The following NEMP2 variants were observed in gnomAD, a reference collection of about 807,000 sequenced individuals.
The protein encoded by NEMP2 is UPF0571 transmembrane protein.
A neutral mutation model predicts 54.2 loss-of-function variants in NEMP2; 53 were observed. The observed-to-expected ratio is 0.98, with a 90% CI of 0.78 to 1.23. The LOEUF (loss-of-function observed/expected upper bound fraction) is 1.23. Among genes scored for constraint, NEMP2 ranks in the 50% most tolerant of loss-of-function variants. The pLI, the probability that NEMP2 is intolerant of heterozygous loss-of-function variation, is 0.00. For synonymous variants in NEMP2, 197 were observed against 190.3 expected (o/e 1.04, Z -0.29); for missense variants, 455 against 511.3 (o/e 0.89, Z 1.06).
chr2:190,577,806 G>A, the NEMP2 span, among the ~76,000 whole-genome samples: 5 of 152,212 alleles, frequency 3.3e-5, no homozygotes, highest in Non-Finnish European at 7.3e-5. The surrounding 1 kb of genome is among the most constrained non-coding windows in gnomAD (Gnocchi z 4.8). Context: ...CTGGGAAGTG[G>A]AGGTTGCAGT....
chr2:190,450,488 C>T, the NEMP2 span, among the ~76,000 whole-genome samples: 14 of 97,260 alleles, frequency 1.4e-4, no homozygotes, highest in Admixed American at 4.3e-4. Context: ...TCTCTTTTTC[C>T]TTTTTTTTTT....
the NEMP2 span, among the ~76,000 whole-genome samples, chr2:190,498,401 G>C: frequency 6.6e-6 from 1 of 152,136 alleles, no homozygotes; most frequent in Non-Finnish European, 1.5e-5. The surrounding 1 kb of genome is among the most constrained non-coding windows in gnomAD (Gnocchi z 5.9). Context: ...CGTCAGCTTT[G>C]TCTGGAGTAG....
chr2:190,501,309 C>T (rs1054377370), downstream of NEMP2: 3 of 152,106 alleles, frequency 2.0e-5, no homozygotes, highest in African/African-American at 7.2e-5. Flanking sequence ...CTATACTTTC[C>T]AATGACTAAA....
chr2:190,520,188 T>A lies in NEMP2; in HGVS notation c.214-1005A>T, dbSNP rs1476579794. Among the ~76,000 whole-genome samples the A allele has an allele frequency of 6.6e-6, 1 of 152,180 alleles. No individual in the cohort carries two copies. Among genetic ancestry groups the A allele is most frequent in the Admixed American group, 6.5e-5 (1 of 15,284 alleles). On this transcript the variant is annotated intron_variant, in intron 2 of 8. Transcript: ENST00000409150. This position sits in a 1 kb window ranked among gnomAD's most constrained non-coding sequence, Gnocchi z 5.4. ...GCAAACTATATGAGTAGGCATAGTTTGAAAATAGGGTTTATATTTACACCA... is the reference window on the plus strand; with the variant it reads ...GCAAACTATATGAGTAGGCATAGTTAGAAAATAGGGTTTATATTTACACCA...
the NEMP2 span, among the ~76,000 whole-genome samples, chr2:190,562,212 A>G: frequency 6.6e-6 from 1 of 152,216 alleles, no homozygotes; most frequent in Non-Finnish European, 1.5e-5. The surrounding 1 kb of genome is among the most constrained non-coding windows in gnomAD (Gnocchi z 5.0). Flanking sequence ...ACCAGTAGAA[A>G]TGGGGTGTGA....
At chr2:190,558,058 G>T in the NEMP2 span, among the ~76,000 whole-genome samples, 1 of 152,252 alleles carries the variant, frequency 6.6e-6, no homozygotes, top group African/African-American at 2.4e-5. This position sits in a 1 kb window ranked among gnomAD's most constrained non-coding sequence, Gnocchi z 4.4. Flanking sequence ...CAATAGCAAA[G>T]ACTTGGAACC....
chr2:190,518,654 G>T, intron 4 of NEMP2, 82 bp downstream of exon 4: 1 of 1,150,648 alleles, frequency 8.7e-7, no homozygotes, highest in Non-Finnish European at 1.2e-6. Context: ...GCACAATAGT[G>T]TGAAAATACT....
the NEMP2 span, among the ~76,000 whole-genome samples, chr2:190,599,607 C>A: frequency 6.6e-6 from 1 of 151,968 alleles, no homozygotes; most frequent in South Asian, 2.1e-4. Flanking sequence ...CTTTTTGATT[C>A]TGTGTCTTTT....
At chr2:190,628,193 T>C in the NEMP2 span, 13 of 152,296 alleles carry the variant, frequency 8.5e-5, no homozygotes, top group African/African-American at 2.9e-4. The surrounding 1 kb of genome is among the most constrained non-coding windows in gnomAD (Gnocchi z 4.1). Flanking sequence ...GATCATTTAC[T>C]CCATTTTAGA....
At chr2:190,452,684 G>T in the NEMP2 span, among the ~76,000 whole-genome samples, 5 of 152,088 alleles carry the variant, frequency 3.3e-5, no homozygotes, top group African/African-American at 1.2e-4. Context: ...CTAATGCCTG[G>T]TATCACTTTT....
rs1487204602 is a variant in NEMP2 at position 190,528,613 on chromosome 2, T to C, written c.98-3235A>G. Among the ~76,000 whole-genome samples, 1 of 152,198 alleles carries C rather than the reference T, an allele frequency of 6.6e-6. No homozygotes were observed. Among genetic ancestry groups the C allele is most frequent in the Non-Finnish European group, 1.5e-5 (1 of 68,030 alleles). The stretch of plus-strand genomic sequence containing the variant: ...ATGTGCTCAATGCTAGATGGGCTTT[T>C]CTTGTGGGTGCCTCCAAAGGTCCCT... On this transcript the variant is annotated intron_variant, in intron 1 of 8. Transcript: ENST00000409150. This position sits in a 1 kb window ranked among gnomAD's most constrained non-coding sequence, Gnocchi z 4.3.
chr2:190,520,132 C>T lies in NEMP2; in HGVS notation c.214-949G>A, dbSNP rs757303871. Among the ~76,000 whole-genome samples the T allele has an allele frequency of 2.8e-4, 42 of 152,234 alleles. No homozygotes were observed. Among genetic ancestry groups the T allele is most frequent in the Non-Finnish European group, 4.6e-4 (31 of 68,014 alleles). On this transcript the variant is annotated intron_variant, in intron 2 of 8. Transcript: ENST00000409150. The surrounding 1 kb of genome is among the most constrained non-coding windows in gnomAD (Gnocchi z 5.4). Reference sequence around the variant, plus strand: ...TGTTCTGGAACCAAACCCACAGTCACATTATCTCTGAAGTATGCCTGTAAT... The same window carrying T: ...TGTTCTGGAACCAAACCCACAGTCATATTATCTCTGAAGTATGCCTGTAAT...
chr2:190,510,047 A>G lies in NEMP2; in HGVS notation c.1130+314T>C, dbSNP rs1354931747. 6.6e-6 allele frequency among the ~76,000 whole-genome samples: 1 copy of G among 152,218 alleles called. No individual in the cohort carries two copies. Among genetic ancestry groups the G allele is most frequent in the Non-Finnish European group, 1.5e-5 (1 of 68,032 alleles). On this transcript the variant is annotated intron_variant, in intron 8 of 8. Transcript: ENST00000409150. This position sits in a 1 kb window ranked among gnomAD's most constrained non-coding sequence, Gnocchi z 5.7. ...CAGAGCAAGACTCCATCTAAAACAAAACAAAACAAAAAAGATTTTCCCCAC... is the reference window on the plus strand; with the variant it reads ...CAGAGCAAGACTCCATCTAAAACAAGACAAAACAAAAAAGATTTTCCCCAC...
the NEMP2 span, chr2:190,629,682 G>A: frequency 6.6e-6 from 1 of 152,190 alleles, no homozygotes; most frequent in East Asian, 1.9e-4. Flanking sequence ...AGCCCTAATT[G>A]AAAAGGACCA....
At chr2:190,467,512 C>G in the NEMP2 span, among the ~76,000 whole-genome samples, 1 of 152,148 alleles carries the variant, frequency 6.6e-6, no homozygotes, top group Non-Finnish European at 1.5e-5. The surrounding 1 kb of genome is among the most constrained non-coding windows in gnomAD (Gnocchi z 5.5). Context: ...AGTCAGGAGG[C>G]TGAGGCGGGA....
the NEMP2 span, chr2:190,497,745 A>G: frequency 9.4e-6 from 15 of 1,594,138 alleles, no homozygotes; most frequent in Admixed American, 1.7e-5. This position sits in a 1 kb window ranked among gnomAD's most constrained non-coding sequence, Gnocchi z 5.2. Context: ...TGGGCTAGCA[A>G]TATTACCTGT....
intron 1 of NEMP2, among the ~76,000 whole-genome samples, chr2:190,526,072 A>C (rs1690924640): frequency 6.6e-6 from 1 of 152,214 alleles, no homozygotes; most frequent in South Asian, 2.1e-4. Context: ...AGGCACTAAC[A>C]ATAAGGCACT....
the NEMP2 span, among the ~76,000 whole-genome samples, chr2:190,441,364 C>T: frequency 5.6e-4 from 85 of 151,646 alleles, 1 homozygote; most frequent in Non-Finnish European, 1.9e-4. Flanking sequence ...AGGGGTGTAC[C>T]GAGGCATTCA....
chr2:190,503,372 T>TA (rs1220131476), downstream of NEMP2, among the ~76,000 whole-genome samples: 1 of 152,228 alleles, frequency 6.6e-6, no homozygotes, highest in Non-Finnish European at 1.5e-5. This position sits in a 1 kb window ranked among gnomAD's most constrained non-coding sequence, Gnocchi z 6.3. Context: ...ATGGTAACCA[T>TA]AAGCCATATG....
Sources: gnomAD v4.1 joint callset for allele counts (sites outside exome capture counted in the v4.1 genomes callset) on GRCh38, gnomAD v4.1.1 for gene constraint, Gnocchi (gnomAD v3.1) non-coding constraint, MANE v1.5 for transcripts, NCBI Gene and HGNC (gene_info 2026-07-23, HGNC 2026-07-21) for gene names.